Variants in SRGAP3 observed in about 807,000 individuals in gnomAD.
The protein encoded by SRGAP3 is SLIT-ROBO Rho GTPase-activating protein 3.
In SRGAP3, 39 loss-of-function variants were observed where a neutral mutation model predicts 121.1. The ratio of observed to expected loss-of-function variants is 0.32; its 90% CI spans 0.25 to 0.42. The LOEUF (loss-of-function observed/expected upper bound fraction) is 0.42. SRGAP3 is among the 10% of genes least tolerant of loss of function. SRGAP3 has a pLI of 1.00. For missense variants in SRGAP3, 1,213 were observed against 1,470.6 expected (o/e 0.82, Z 2.86); for synonymous variants, 601 against 570.0 (o/e 1.05, Z -0.77).
intron 1 of SRGAP3, among the ~76,000 whole-genome samples, chr3:9,219,995 G>C (rs370830429): frequency 3.9e-5 from 6 of 152,260 alleles, no homozygotes; most frequent in African/African-American, 1.4e-4. Context: ...ATCTCATGGA[G>C]GTAGAAGGTA....
Position 8,990,829 on chromosome 3 carries a change from G to A in SRGAP3, c.2569C>T (p.Arg857Ter), listed in dbSNP as rs1942012976. 6.5e-7 allele frequency: 1 copy of A among 1,543,170 alleles called. No homozygotes were observed. The highest frequency in any genetic ancestry group is 8.7e-7 in the Non-Finnish European group (1 of 1,150,496). The change falls in exon 21 of 22, where the codon CGA (arginine) becomes TGA (stop). Residue 857 changes from arginine (R) to a stop codon, truncating the protein, a stop_gained. Coordinates refer to ENST00000383836, the MANE Select transcript of SRGAP3 (RefSeq NM_014850.4). LOFTEE classifies it high-confidence loss of function. Reference sequence around the variant, plus strand: ...CTGGGGATGGCTGCTCCATCAGATCGTAACCGCACTCTGCAAAGGAGCCAG... The same window carrying A: ...CTGGGGATGGCTGCTCCATCAGATCATAACCGCACTCTGCAAAGGAGCCAG... The part of the protein sequence containing the change: ...FGGVMGRVRL[R>*]SDGAAIPRRR...
intron 1 of SRGAP3, among the ~76,000 whole-genome samples, chr3:9,241,199 A>G (rs1397593095): frequency 1.3e-5 from 2 of 152,214 alleles, no homozygotes; most frequent in Non-Finnish European, 2.9e-5. Context: ...TACAGGGATC[A>G]CAAAATTAGA....
chr3:9,183,377 A>G (rs1388442005), intron 1 of SRGAP3, among the ~76,000 whole-genome samples: 2 of 152,222 alleles, frequency 1.3e-5, no homozygotes, highest in Non-Finnish European at 2.9e-5. Flanking sequence ...CAGAGATGCA[A>G]GAATTAAATG....
chr3:9,294,695 C>CGTGTGT (rs753452580), intron 3 of SRGAP3, among the ~76,000 whole-genome samples: 14,241 of 119,718 alleles, frequency 0.12, 1,014 homozygotes, highest in Middle Eastern at 0.16. Context: ...TTGAAGCTTT[C>CGTGTGT]GTGTGTGTGT....
intron 19 of SRGAP3, chr3:8,994,005 A>AG: frequency 5.2e-6 from 2 of 383,814 alleles, no homozygotes; most frequent in Non-Finnish European, 9.8e-6. Context: ...AACCGTAGGC[A>AG]GGGGAGGCCT....
intron 1 of SRGAP3, among the ~76,000 whole-genome samples, chr3:9,139,519 A>G (rs555724925): frequency 4.6e-5 from 7 of 152,256 alleles, no homozygotes; most frequent in Non-Finnish European, 8.8e-5. Flanking sequence ...GCCACCAGAA[A>G]CTGGAAGAGA....
intron 3 of SRGAP3, among the ~76,000 whole-genome samples, chr3:9,307,933 T>C (rs1955184285): frequency 6.6e-6 from 1 of 152,196 alleles, no homozygotes; most frequent in African/African-American, 2.4e-5. Context: ...AGCGGGCGGA[T>C]CACTTAAGGT....
intron 1 of SRGAP3, among the ~76,000 whole-genome samples, chr3:9,247,829 C>T (rs925636664): frequency 6.6e-6 from 1 of 152,220 alleles, no homozygotes; most frequent in Non-Finnish European, 1.5e-5. Context: ...CCAAGAGGCA[C>T]GAGCCCAGGC....
At chr3:9,205,469 A>C (rs536365226) in intron 1 of SRGAP3, among the ~76,000 whole-genome samples, 5 of 152,258 alleles carry the variant, frequency 3.3e-5, no homozygotes, top group Admixed American at 3.3e-4. Context: ...TCACGTTTAC[A>C]GAATATATCT....
chr3:9,013,611 C>G (rs1373589820), intron 16 of SRGAP3, 76 bp from the exon 17 acceptor site: 1 of 1,565,338 alleles, frequency 6.4e-7, no homozygotes, highest in Non-Finnish European at 8.8e-7. Context: ...TTTTGGGGGA[C>G]CCTATTCAAA....
intron 3 of SRGAP3, among the ~76,000 whole-genome samples, chr3:9,084,655 A>G (rs1947381895): frequency 6.6e-6 from 1 of 152,074 alleles, no homozygotes; most frequent in South Asian, 2.1e-4. Flanking sequence ...ATTCAGTCCT[A>G]TTTTCCACTA....
chr3:9,273,472 G>A (rs1019636958), intron 3 of SRGAP3, among the ~76,000 whole-genome samples: 1 of 151,914 alleles, frequency 6.6e-6, no homozygotes, highest in Non-Finnish European at 1.5e-5. Flanking sequence ...TGAGTTTTAG[G>A]AGTTCTTTAT....
intron 3 of SRGAP3, among the ~76,000 whole-genome samples, chr3:9,277,876 T>C (rs933719760): frequency 6.6e-6 from 1 of 152,146 alleles, no homozygotes; most frequent in Non-Finnish European, 1.5e-5. Context: ...TATTAGGAGA[T>C]AGGACCTTTG....
chr3:9,081,283 A>G (rs2125268266), intron 3 of SRGAP3: 1 of 456,720 alleles, frequency 2.2e-6, no homozygotes, highest in South Asian at 1.5e-5. Flanking sequence ...CACAGTCGCA[A>G]GTCCACACTC....
At chr3:9,021,423 T>C (rs1019778975) in intron 14 of SRGAP3, among the ~76,000 whole-genome samples, 2 of 152,096 alleles carry the variant, frequency 1.3e-5, no homozygotes, top group Admixed American at 6.5e-5. Flanking sequence ...GTGTTTTTTT[T>C]TCTCTCTCTC....
chr3:9,097,054 A>C (rs1948015654), intron 3 of SRGAP3, among the ~76,000 whole-genome samples: 1 of 148,444 alleles, frequency 6.7e-6, no homozygotes, highest in Non-Finnish European at 1.5e-5. Flanking sequence ...ACAGTGGTAC[A>C]ATCTTGGCGC....
At chr3:9,087,569 T>A (rs956085575) in intron 3 of SRGAP3, among the ~76,000 whole-genome samples, 3 of 152,102 alleles carry the variant, frequency 2.0e-5, no homozygotes, top group Non-Finnish European at 4.4e-5. Context: ...CTTGCATGAA[T>A]GGCTGGAGAC....
At chr3:9,171,543 T>G (rs1950975562) in intron 1 of SRGAP3, among the ~76,000 whole-genome samples, 4 of 152,204 alleles carry the variant, frequency 2.6e-5, no homozygotes, top group African/African-American at 9.7e-5. Flanking sequence ...CCTCGCATGG[T>G]TCTACATGAC....
chr3:9,065,248 T>G (rs1946372941), intron 4 of SRGAP3: 1 of 152,210 alleles, frequency 6.6e-6, no homozygotes, highest in Non-Finnish European at 1.5e-5. Flanking sequence ...CAAATTGCAC[T>G]TTGCTACTCT....
Sources: allele counts gnomAD v4.1 joint callset (sites outside exome capture counted in the v4.1 genomes callset), GRCh38; gene constraint gnomAD v4.1.1; transcripts MANE v1.5; gene names NCBI Gene and HGNC (gene_info 2026-07-23, HGNC 2026-07-21).